Variants in HERPUD2 observed in about 807,000 individuals in gnomAD.
HERPUD2 encodes HERPUD family member 2, also known as homocysteine-responsive endoplasmic reticulum-resident ubiquitin-like domain member 2 protein.
Under a neutral mutation model 49.9 loss-of-function variants are expected in HERPUD2, and 13 were observed. That is an observed-to-expected ratio of 0.26 (90% CI 0.17 to 0.41). HERPUD2 has a LOEUF of 0.41. HERPUD2 is among the 10% of genes least tolerant of loss of function. The pLI, the probability that HERPUD2 is intolerant of heterozygous loss-of-function variation, is 1.00. For synonymous variants in HERPUD2, 172 were observed against 171.4 expected (o/e 1.00, Z -0.03); for missense variants, 449 against 492.2 (o/e 0.91, Z 0.83).
At chr7:35,682,925 CACAA>C (rs770981813) in intron 2 of HERPUD2, among the ~76,000 whole-genome samples, 1 of 151,376 alleles carries the variant, frequency 6.6e-6, no homozygotes, top group African/African-American at 2.4e-5. Flanking sequence ...TCATAGACAA[CACAA>C]ACAAACAGAA....
At chr7:35,674,404 TAGAGAGAGAGAGAGAGAGAG>T (rs3999932) in intron 2 of HERPUD2, among the ~76,000 whole-genome samples, 1,105 of 38,026 alleles carry the variant, frequency 0.029, 116 homozygotes, top group Admixed American at 0.084. Context: ...TATATATATA[TAGAGAGAGAGAGAGAGAGAG>T]AGAGAGAGAG....
intron 2 of HERPUD2, among the ~76,000 whole-genome samples, chr7:35,681,174 A>G (rs988653508): frequency 3.3e-5 from 5 of 152,158 alleles, no homozygotes; most frequent in Admixed American, 6.5e-5. Flanking sequence ...GTATTTTAGT[A>G]TTTTTTCTTT....
intron 5 of HERPUD2, among the ~76,000 whole-genome samples, chr7:35,643,465 A>G (rs1784999535): frequency 6.6e-6 from 1 of 152,202 alleles, no homozygotes; most frequent in African/African-American, 2.4e-5. Context: ...TATAAAAAGG[A>G]ATGAAGATCT....
intron 6 of HERPUD2, among the ~76,000 whole-genome samples, chr7:35,637,091 C>T (rs917318915): frequency 3.3e-5 from 5 of 151,000 alleles, no homozygotes; most frequent in Non-Finnish European, 2.9e-5. Flanking sequence ...CAAGATTATG[C>T]CACTGCACTC....
chr7:35,645,674 T>C (rs1246791434), intron 5 of HERPUD2, among the ~76,000 whole-genome samples: 1 of 152,222 alleles, frequency 6.6e-6, no homozygotes, highest in Non-Finnish European at 1.5e-5. Context: ...TTGTTAATAT[T>C]GTTTCACTTA....
At chr7:35,636,001 G>A (rs1214545570) in intron 6 of HERPUD2, among the ~76,000 whole-genome samples, 2 of 152,186 alleles carry the variant, frequency 1.3e-5, no homozygotes, top group Non-Finnish European at 2.9e-5. Context: ...TGATTTGGAA[G>A]AACTCCAACT....
At chr7:35,674,404 TAGAGAGAGAGAGAGAGAGAGAG>T (rs3999932) in intron 2 of HERPUD2, among the ~76,000 whole-genome samples, 831 of 38,140 alleles carry the variant, frequency 0.022, 61 homozygotes, top group South Asian at 0.19. Flanking sequence ...TATATATATA[TAGAGAGAGAGAGAGAGAGAGAG>T]AGAGAGAGAG....
At chr7:35,685,235 C>CA (rs768006907) in intron 2 of HERPUD2, among the ~76,000 whole-genome samples, 1,194 of 117,858 alleles carry the variant, frequency 0.01, 14 homozygotes, top group African/African-American at 0.031. Context: ...GAGACTGTCT[C>CA]AAAAAAAAAA....
intron 5 of HERPUD2, among the ~76,000 whole-genome samples, chr7:35,640,676 G>C (rs1180956732): frequency 3.9e-5 from 6 of 151,942 alleles, no homozygotes; most frequent in Non-Finnish European, 7.4e-5. Flanking sequence ...GTATGCATTT[G>C]GTATTCTCCA....
intron 5 of HERPUD2, among the ~76,000 whole-genome samples, chr7:35,649,080 T>A (rs1432484921): frequency 2.0e-5 from 3 of 152,008 alleles, no homozygotes; most frequent in African/African-American, 7.3e-5. Flanking sequence ...TGAAACCCCG[T>A]CTCTACTAAA....
chr7:35,663,361 A>C, intron 5 of HERPUD2, among the ~76,000 whole-genome samples: 1 of 152,192 alleles, frequency 6.6e-6, no homozygotes, highest in South Asian at 2.1e-4. Flanking sequence ...TGTGGTGCTG[A>C]CAAGAATGTA....
intron 5 of HERPUD2, among the ~76,000 whole-genome samples, chr7:35,666,136 C>T (rs1309501529): frequency 6.6e-6 from 1 of 152,174 alleles, no homozygotes; most frequent in Admixed American, 6.5e-5. Context: ...GTATTTGAAG[C>T]TACTGTTCCA....
At position 35,642,654 on chromosome 7, in the gene HERPUD2, G is replaced by A. The variant is rs574264129; in HGVS notation, c.495-4182C>T. On this transcript the variant is annotated intron_variant, in intron 5 of 8. Coordinates refer to ENST00000311350, the MANE Select transcript of HERPUD2 (RefSeq NM_022373.5). ...AAGAAAATGAGATCATGTCTTTTGC[G>A]GGAACATGGATGGAGCTGGAGGTCA... is the stretch of plus-strand genomic sequence containing the variant. Among the ~76,000 whole-genome samples the A allele has an allele frequency of 3.3e-5, 5 of 152,222 alleles. No individual in the cohort carries two copies. The South Asian group carries it at 6.2e-4, about 19-fold the overall frequency.
chr7:35,639,405 TA>T (rs1255897912), intron 5 of HERPUD2, among the ~76,000 whole-genome samples: 1 of 152,188 alleles, frequency 6.6e-6, no homozygotes, highest in African/African-American at 2.4e-5. Context: ...TCCTCACTTC[TA>T]AAATGGATCT....
intron 2 of HERPUD2, among the ~76,000 whole-genome samples, chr7:35,690,697 G>A (rs1470995974): frequency 1.3e-5 from 2 of 152,028 alleles, no homozygotes; most frequent in Non-Finnish European, 2.9e-5. Flanking sequence ...TAATCCCAGC[G>A]ACTTGGGAGG....
intron 2 of HERPUD2, among the ~76,000 whole-genome samples, chr7:35,686,864 G>C (rs550685561): frequency 1.7e-5 from 2 of 114,598 alleles, no homozygotes; most frequent in East Asian, 6.8e-4. Context: ...TCAGGAGTTC[G>C]AGACCAGCCT....
chr7:35,686,166 C>A (rs1053358553), intron 2 of HERPUD2, among the ~76,000 whole-genome samples: 20 of 151,580 alleles, frequency 1.3e-4, no homozygotes, highest in African/African-American at 4.6e-4. Flanking sequence ...TCCAGCCCTG[C>A]TAATATCATT....
chr7:35,676,696 GT>G (rs1785767640), intron 2 of HERPUD2, among the ~76,000 whole-genome samples: 1 of 152,150 alleles, frequency 6.6e-6, no homozygotes, highest in Non-Finnish European at 1.5e-5. Flanking sequence ...TAAATCCTGA[GT>G]TCACTGTGAC....
intron 5 of HERPUD2, among the ~76,000 whole-genome samples, chr7:35,644,598 T>C (rs544156238): frequency 2.0e-5 from 3 of 152,170 alleles, no homozygotes; most frequent in African/African-American, 7.2e-5. Flanking sequence ...TGAAACCCCA[T>C]CTCTACTAAA....
Sources: gnomAD v4.1 joint callset for allele counts (sites outside exome capture counted in the v4.1 genomes callset) on GRCh38, gnomAD v4.1.1 for gene constraint, MANE v1.5 for transcripts, NCBI Gene and HGNC (gene_info 2026-07-23, HGNC 2026-07-21) for gene names.